The following NKAIN2 variants were observed in gnomAD, a reference collection of about 807,000 sequenced individuals.
NKAIN2 encodes the protein sodium/potassium-transporting ATPase subunit beta-1-interacting protein 2.
Under a neutral mutation model 32.6 loss-of-function variants are expected in NKAIN2, and 14 were observed. That is an observed-to-expected ratio of 0.43 (90% CI 0.28 to 0.67). The LOEUF (loss-of-function observed/expected upper bound fraction) is 0.67, where lower values mean the gene tolerates loss of function less well. Among genes scored for constraint, NKAIN2 ranks in the 30% least tolerant of loss-of-function variants. The pLI, the probability that NKAIN2 is intolerant of heterozygous loss-of-function variation, is 0.17. For synonymous variants in NKAIN2, 80 were observed against 87.2 expected (o/e 0.92, Z 0.46); for missense variants, 198 against 258.3 (o/e 0.77, Z 1.60).
At chr6:124,537,462 G>C (rs575066786) in intron 3 of NKAIN2, among the ~76,000 whole-genome samples, 1 of 152,176 alleles carries the variant, frequency 6.6e-6, no homozygotes, top group East Asian at 1.9e-4. Flanking sequence ...GCTTGCTTTA[G>C]TAAATGTTTT....
chr6:124,266,814 G>A (rs1794512982), intron 1 of NKAIN2, among the ~76,000 whole-genome samples: 1 of 152,128 alleles, frequency 6.6e-6, no homozygotes, highest in Non-Finnish European at 1.5e-5. Flanking sequence ...TATAAACAGT[G>A]CATGGATATA....
At position 124,441,500 on chromosome 6, in the gene NKAIN2, C is replaced by G. The variant is rs532087163; in HGVS notation, c.273+86153C>G. On this transcript the variant is annotated intron_variant, in intron 3 of 6. Transcript: ENST00000368417. ...AAGGTGATCCAGTTCTCGCCTGGCT[C>G]TACCTTGCATTTGGGACACATGTCT... Among the ~76,000 whole-genome samples, 5 of 152,182 alleles carry G rather than the reference C, an allele frequency of 3.3e-5. No homozygotes were observed. The East Asian group carries it at 7.7e-4, about 24-fold the overall frequency.
intron 3 of NKAIN2, among the ~76,000 whole-genome samples, chr6:124,569,134 T>G (rs1408727786): frequency 2.0e-5 from 3 of 152,192 alleles, no homozygotes; most frequent in African/African-American, 4.8e-5. Context: ...ATAATTTCAA[T>G]AAACTGTATA....
chr6:124,252,971 G>A (rs111462326), intron 1 of NKAIN2, among the ~76,000 whole-genome samples: 102 of 152,230 alleles, frequency 6.7e-4, no homozygotes, highest in African/African-American at 2.3e-3. Flanking sequence ...ATATCCCTTT[G>A]TCTTCCTAAT....
chr6:124,490,668 G>T (rs1232308660), intron 3 of NKAIN2, among the ~76,000 whole-genome samples: 1 of 151,560 alleles, frequency 6.6e-6, no homozygotes, highest in Non-Finnish European at 1.5e-5. Context: ...AATATATCAG[G>T]CAGGAGTCTA....
intron 4 of NKAIN2, among the ~76,000 whole-genome samples, chr6:124,768,220 A>C (rs535716758): frequency 1.3e-5 from 2 of 152,200 alleles, no homozygotes; most frequent in African/African-American, 2.4e-5. Flanking sequence ...TGTAGATGGT[A>C]TATTACTGTA....
intron 1 of NKAIN2, among the ~76,000 whole-genome samples, chr6:124,195,021 T>C (rs1790248831): frequency 6.6e-6 from 1 of 151,262 alleles, no homozygotes; most frequent in Middle Eastern, 3.2e-3. Context: ...AGTTTTAAAG[T>C]ATAAAGAATA....
At chr6:124,258,153 A>G (rs936398299) in intron 1 of NKAIN2, among the ~76,000 whole-genome samples, 1 of 152,120 alleles carries the variant, frequency 6.6e-6, no homozygotes, top group Admixed American at 6.6e-5. Flanking sequence ...AAAAAAAAAA[A>G]AAAACTGAGG....
Position 124,530,228 on chromosome 6 carries a change from G to A in NKAIN2, c.274-127958G>A, listed in dbSNP as rs1040309124. Among the ~76,000 whole-genome samples the A allele has an allele frequency of 1.6e-4, 25 of 152,144 alleles. 1 individual carries two copies. The highest frequency in any genetic ancestry group is 1.2e-3 in the Admixed American group (19 of 15,264). The stretch of plus-strand genomic sequence containing the variant: ...CAGACAATATAAACAGTCAGTTAAT[G>A]CATATTTTCTATATGTGTTATATAC... On this transcript the variant is annotated intron_variant, in intron 3 of 6. Coordinates refer to ENST00000368417, the MANE Select transcript of NKAIN2 (RefSeq NM_001040214.3).
intron 1 of NKAIN2, among the ~76,000 whole-genome samples, chr6:123,963,797 ATAATAT>A (rs1249540750): frequency 7.2e-5 from 11 of 152,180 alleles, no homozygotes; most frequent in African/African-American, 2.4e-4. Context: ...AAATGTTTAA[ATAATAT>A]TTATTATAGC....
intron 4 of NKAIN2, among the ~76,000 whole-genome samples, chr6:124,725,365 A>G (rs996307990): frequency 2.0e-5 from 3 of 152,090 alleles, no homozygotes; most frequent in Non-Finnish European, 4.4e-5. Context: ...TGGCCTCCCA[A>G]AGCACTGAGA....
intron 1 of NKAIN2, chr6:123,829,132 T>C (rs1774270690): frequency 6.6e-6 from 1 of 152,218 alleles, no homozygotes. Context: ...ACTATACTTC[T>C]GTACTTGCAT....
In NKAIN2 at chr6:124,818,346, A is replaced by C. The variant is rs766625860; in HGVS notation, c.536-41A>C. The C allele has an allele frequency of 1.1e-5, 12 of 1,060,032 alleles. No homozygotes were observed. In the East Asian group the frequency reaches 2.8e-4, roughly 25 times the overall value. The allele number at this position is 1,060,032 out of a possible 1,614,324, so 65.7% of individuals were successfully genotyped here. On this transcript the variant is annotated intron_variant, in intron 5 of 6. Transcript: ENST00000368417. Reference sequence around the variant, plus strand: ...TGTGGGTGCTTGATCATGGATGTATATCTCTTCTGAAAAGCTAATTAATGA... The same window carrying C: ...TGTGGGTGCTTGATCATGGATGTATCTCTCTTCTGAAAAGCTAATTAATGA...
chr6:124,167,582 TC>T (rs1452383419), intron 1 of NKAIN2, among the ~76,000 whole-genome samples: 1 of 152,186 alleles, frequency 6.6e-6, no homozygotes, highest in African/African-American at 2.4e-5. Flanking sequence ...AGAGAGGGCA[TC>T]CCTGTCTTGT....
chr6:124,373,228 T>C (rs1799843931), intron 3 of NKAIN2, among the ~76,000 whole-genome samples: 1 of 152,134 alleles, frequency 6.6e-6, no homozygotes. Flanking sequence ...ATGTCATGGA[T>C]GCAGGGTGTA....
intron 3 of NKAIN2, among the ~76,000 whole-genome samples, chr6:124,540,258 C>CTTG (rs2114842511): frequency 6.6e-6 from 1 of 152,210 alleles, no homozygotes; most frequent in Admixed American, 6.5e-5. Flanking sequence ...AGGCAACTTC[C>CTTG]TCATAGAGCA....
intron 2 of NKAIN2, among the ~76,000 whole-genome samples, chr6:124,352,746 C>T (rs76769243): frequency 0.011 from 1,624 of 152,244 alleles, 33 homozygotes; most frequent in African/African-American, 0.036. Flanking sequence ...CTCTTGTAAT[C>T]AGTTAAGTCA....
At chr6:124,285,239 T>C (rs1358156424) in intron 2 of NKAIN2, among the ~76,000 whole-genome samples, 3 of 152,188 alleles carry the variant, frequency 2.0e-5, no homozygotes, top group African/African-American at 7.2e-5. Context: ...AACTTTTTTT[T>C]CCAACTCAGC....
In NKAIN2 at chr6:124,507,083, A is replaced by G. The variant is rs1352111910; in HGVS notation, c.274-151103A>G. 2.0e-5 allele frequency among the ~76,000 whole-genome samples: 3 copies of G among 152,224 alleles called. No individual in the cohort carries two copies. The East Asian group carries it at 5.8e-4, about 29-fold the overall frequency. On this transcript the variant is annotated intron_variant, in intron 3 of 6. Coordinates refer to ENST00000368417, the MANE Select transcript of NKAIN2 (RefSeq NM_001040214.3). ...CTCAAGTTAAGAGTTCCAAATTTAT[A>G]ATAACAAAGAAGAAAGGATAAGCAT...
Sources: gnomAD v4.1 joint callset for allele counts (sites outside exome capture counted in the v4.1 genomes callset) on GRCh38, gnomAD v4.1.1 for gene constraint, MANE v1.5 for transcripts, NCBI Gene and HGNC (gene_info 2026-07-23, HGNC 2026-07-21) for gene names.